LOXHD1: variants seen among roughly 807,000 people sequenced by gnomAD.
The protein encoded by LOXHD1 is lipoxygenase homology domain-containing protein 1.
In LOXHD1, 205 loss-of-function variants were observed where a neutral mutation model predicts 248.2. The observed-to-expected ratio is 0.83, with a 90% CI of 0.74 to 0.93. The LOEUF (loss-of-function observed/expected upper bound fraction) is 0.93, where lower values mean the gene tolerates loss of function less well. Among genes scored for constraint, LOXHD1 ranks in the 40% least tolerant of loss-of-function variants. The pLI, the probability that LOXHD1 is intolerant of heterozygous loss-of-function variation, is 0.00. For missense variants in LOXHD1, 2,930 were observed against 2,971.6 expected, an observed-to-expected ratio of 0.99 and a Z score of 0.33; for synonymous variants, 1,113 against 1,162.8, an observed-to-expected ratio of 0.96 and a Z score of 0.87.
chr18:46,654,644 T>C (rs181659953), intron 1 of LOXHD1, among the ~76,000 whole-genome samples: 2 of 152,316 alleles, frequency 1.3e-5, no homozygotes, highest in Non-Finnish European at 2.9e-5. Context: ...TCCCTCCTTC[T>C]TCCTCCCCAT....
chr18:46,531,688 C>A (rs1003160380), intron 28 of LOXHD1, among the ~76,000 whole-genome samples: 1 of 152,228 alleles, frequency 6.6e-6, no homozygotes, highest in Non-Finnish European at 1.5e-5. Flanking sequence ...CTCCTCCCTC[C>A]CCGTCCCACC....
intron 38 of LOXHD1, among the ~76,000 whole-genome samples, chr18:46,485,984 A>C: frequency 1.3e-5 from 2 of 150,370 alleles, no homozygotes; most frequent in Non-Finnish European, 3.0e-5. Context: ...TCCCTCCCCC[A>C]CCCATAGTGG....
chr18:46,484,965 G>A, intron 39 of LOXHD1, 54 bp downstream of exon 39: 1 of 1,535,690 alleles, frequency 6.5e-7, no homozygotes, highest in African/African-American at 1.4e-5. Flanking sequence ...GATTCTCGGG[G>A]TCCTCCCTTA....
intron 18 of LOXHD1, among the ~76,000 whole-genome samples, chr18:46,561,321 G>A (rs1315750629): frequency 1.3e-5 from 2 of 152,124 alleles, no homozygotes; most frequent in Non-Finnish European, 2.9e-5. Flanking sequence ...TACCAGGATG[G>A]GCATAGCACA....
In LOXHD1 at chr18:46,477,655, C is replaced by A. The variant is rs1159626281; in HGVS notation, c.6639G>T (p.Leu2213=). 1.3e-6 allele frequency: 2 copies of A among 1,551,852 alleles called. No individual in the cohort carries two copies. Among genetic ancestry groups the A allele is most frequent in the Non-Finnish European group, 1.7e-6 (2 of 1,147,036 alleles). The part of the protein sequence containing the change: ...TDRFFLETLE[L]GELRKVRLEH... ...CCAGGCGCACCTTGCGCAGCTCACC[C>A]AGCTCCAGCGTCTCCAGGAAGAAGC... Residue 2213 remains leucine, a synonymous_variant, in exon 41 of 41, where the codon CTG becomes CTT. Transcript: ENST00000642948.
At chr18:46,559,115 C>T in intron 20 of LOXHD1, 1 of 1,329,956 alleles carries the variant, frequency 7.5e-7, no homozygotes, top group South Asian at 1.2e-5. Context: ...CCCTAGTTTT[C>T]CCCCAAGACA....
chr18:46,558,728 T>G (rs1450041617), intron 20 of LOXHD1, among the ~76,000 whole-genome samples: 2 of 152,222 alleles, frequency 1.3e-5, no homozygotes, highest in African/African-American at 2.4e-5. Flanking sequence ...GGGGATATTA[T>G]AAAATCTTGA....
chr18:46,566,230 G>A lies in LOXHD1; in HGVS notation c.2437+27C>T, dbSNP rs920081305. 2.6e-6 allele frequency: 4 copies of A among 1,528,832 alleles called. No homozygotes were observed. In the African/African-American group the frequency reaches 4.1e-5, roughly 16 times the overall value. 94.7% of individuals were successfully genotyped at this position (1,528,832 alleles called of 1,614,324 possible). A position where few individuals can be genotyped will look rare whatever the true frequency, so the allele number is the denominator to read the frequency against. ...CCCCATCCCCCATGGGAAACAATGG[G>A]TGGTCCCACCACAGCCTCCTCCATA... On this transcript the variant is annotated intron_variant, in intron 17 of 40. Coordinates refer to ENST00000642948, the MANE Select transcript of LOXHD1 (RefSeq NM_001384474.1).
intron 13 of LOXHD1, among the ~76,000 whole-genome samples, chr18:46,579,365 C>G (rs1169992501): frequency 6.6e-6 from 1 of 152,144 alleles, no homozygotes; most frequent in East Asian, 1.9e-4. Flanking sequence ...CTGTACAGTC[C>G]CAGGAGTCCA....
rs539214465 is a variant in LOXHD1, at chr18:46,618,350, C to T, written c.512-60G>A. On this transcript the variant is annotated intron_variant, in intron 4 of 40. Transcript: ENST00000642948. ...CAGGATCCTGAAAAGAGAATAGAGG[C>T]CCCAAAGTAGCTACCACACCATCTA... 8.8e-5 allele frequency: 101 copies of T among 1,150,680 alleles called. No individual in the cohort carries two copies. The African/African-American group carries it at 1.4e-3, about 16-fold the overall frequency. 71.3% of individuals were successfully genotyped at this position (1,150,680 alleles called of 1,614,324 possible).
chr18:46,561,263 C>T (rs1299825138), intron 18 of LOXHD1, among the ~76,000 whole-genome samples: 4 of 152,094 alleles, frequency 2.6e-5, no homozygotes, highest in Non-Finnish European at 5.9e-5. Context: ...GGTCTCTGCC[C>T]TCTTGATTAT....
Position 46,577,880 on chromosome 18 carries a change from A to G in LOXHD1, c.1810-13T>C. 1 of 1,551,420 alleles carries G rather than the reference A, an allele frequency of 6.4e-7. No homozygotes were observed. The highest frequency in any genetic ancestry group is 8.7e-7 in the Non-Finnish European group (1 of 1,146,868). ...TGAACTCGTCAGCCTTGTGGGGGGAAACCACAAGGCCAGTTAGACAGTGGC... is the reference window on the plus strand; with the variant it reads ...TGAACTCGTCAGCCTTGTGGGGGGAGACCACAAGGCCAGTTAGACAGTGGC... On this transcript the variant is annotated splice_polypyrimidine_tract_variant and intron_variant, in intron 13 of 40. Transcript: ENST00000642948.
At chr18:46,507,385 A>G (rs1188776085) in intron 36 of LOXHD1, among the ~76,000 whole-genome samples, 153 bp downstream of exon 36, 2 of 152,196 alleles carry the variant, frequency 1.3e-5, no homozygotes, top group Non-Finnish European at 2.9e-5. Context: ...CTTTGTCCAG[A>G]CAGAAAGCGA....
chr18:46,616,176 C>A (rs1024969590), intron 5 of LOXHD1, among the ~76,000 whole-genome samples: 1 of 152,078 alleles, frequency 6.6e-6, no homozygotes, highest in Non-Finnish European at 1.5e-5. Flanking sequence ...ATTTGTTTTA[C>A]TTTTGCTATT....
intron 12 of LOXHD1, among the ~76,000 whole-genome samples, chr18:46,589,077 G>A (rs558693184): frequency 3.9e-5 from 6 of 152,250 alleles, no homozygotes; most frequent in African/African-American, 9.6e-5. Flanking sequence ...AAAGAATGAG[G>A]GTCGTGATCA....
chr18:46,628,250 G>A (rs1041552225), intron 4 of LOXHD1, among the ~76,000 whole-genome samples: 1 of 152,200 alleles, frequency 6.6e-6, no homozygotes, highest in Non-Finnish European at 1.5e-5. Context: ...CACTTAGAGT[G>A]GTTCTCTTCT....
chr18:46,602,932 TTC>T (rs1263787973), intron 7 of LOXHD1, among the ~76,000 whole-genome samples: 65 of 152,300 alleles, frequency 4.3e-4, no homozygotes, highest in Non-Finnish European at 7.6e-4. Flanking sequence ...ACATATAATA[TTC>T]ACATATTCAG....
intron 34 of LOXHD1, among the ~76,000 whole-genome samples, chr18:46,515,781 GC>G (rs753141023): frequency 1.1e-4 from 17 of 152,210 alleles, no homozygotes; most frequent in Non-Finnish European, 2.4e-4. Context: ...ACTCTGAGCT[GC>G]CTCCTCTGCA....
rs909401080 is a variant in LOXHD1, at chr18:46,569,629, T to C, written c.2057A>G (p.Tyr686Cys). Residue 686 changes from tyrosine (Y) to cysteine (C), a missense_variant, in exon 16 of 41, where the codon TAT becomes TGT. Tyr to Cys is a radical substitution (Grantham distance 194). Coordinates refer to ENST00000642948, the MANE Select transcript of LOXHD1 (RefSeq NM_001384474.1). ...DSSATLKNFR[Y>C]HISLKTGDVS... The stretch of plus-strand genomic sequence containing the variant: ...ATCCCCAGTCTTCAAGCTGATGTGA[T>C]AGCGAAAGTCTGAACAGCCCAAGGC... 2.6e-6 allele frequency: 4 copies of C among 1,550,618 alleles called. No individual in the cohort carries two copies. The highest frequency in any genetic ancestry group is 2.4e-5 in the East Asian group (1 of 40,902).
Sources: gnomAD v4.1 joint callset for allele counts (sites outside exome capture counted in the v4.1 genomes callset) on GRCh38, gnomAD v4.1.1 for gene constraint, MANE v1.5 for transcripts, NCBI Gene and HGNC (gene_info 2026-07-23, HGNC 2026-07-21) for gene names.